Variants in NCAM2 observed in about 807,000 individuals in gnomAD.
NCAM2 encodes N-CAM-2.
A neutral mutation model predicts 98.1 loss-of-function variants in NCAM2; 30 were observed. The ratio of observed to expected loss-of-function variants is 0.31; its 90% CI spans 0.23 to 0.41. NCAM2 has a LOEUF of 0.41. Among genes scored for constraint, NCAM2 ranks in the 10% least tolerant of loss-of-function variants. NCAM2 has a pLI of 1.00. For missense variants in NCAM2, 867 were observed against 1,005.8 expected (o/e 0.86, Z 1.87); for synonymous variants, 368 against 342.4 (o/e 1.07, Z -0.83).
chr21:21,238,950 A>G (rs2147226279), intron 1 of NCAM2, among the ~76,000 whole-genome samples: 1 of 152,266 alleles, frequency 6.6e-6, no homozygotes, highest in South Asian at 2.1e-4. Flanking sequence ...TAATGGAAGC[A>G]TTTGTAACCT....
intron 1 of NCAM2, among the ~76,000 whole-genome samples, chr21:21,214,079 T>C (rs1216267555): frequency 6.6e-6 from 1 of 152,182 alleles, no homozygotes; most frequent in Non-Finnish European, 1.5e-5. Flanking sequence ...AAATTCTAAA[T>C]GTTTATTTTC....
At chr21:21,424,252 A>G (rs1327918117) in intron 11 of NCAM2, among the ~76,000 whole-genome samples, 2 of 152,230 alleles carry the variant, frequency 1.3e-5, no homozygotes, top group African/African-American at 4.8e-5. Flanking sequence ...TTTTCAGAGA[A>G]TCCATGTTTG....
intron 1 of NCAM2, among the ~76,000 whole-genome samples, chr21:21,055,241 A>T (rs1016257258): frequency 6.6e-6 from 1 of 152,072 alleles, no homozygotes; most frequent in African/African-American, 2.4e-5. Flanking sequence ...ATGAAGTCAT[A>T]TAAATTGTCT....
chr21:21,158,172 G>A (rs969368565), intron 1 of NCAM2, among the ~76,000 whole-genome samples: 1 of 152,102 alleles, frequency 6.6e-6, no homozygotes, highest in Admixed American at 6.5e-5. Flanking sequence ...GACAGACTAT[G>A]GAATATAGTG....
At chr21:21,094,470 T>C (rs922079567) in intron 1 of NCAM2, among the ~76,000 whole-genome samples, 14 of 151,966 alleles carry the variant, frequency 9.2e-5, no homozygotes, top group African/African-American at 3.1e-4. Flanking sequence ...TACTCAGACA[T>C]TGAGTATAAT....
At chr21:21,518,437 C>T (rs1988832405) in intron 16 of NCAM2, among the ~76,000 whole-genome samples, 1 of 152,104 alleles carries the variant, frequency 6.6e-6, no homozygotes, top group Non-Finnish European at 1.5e-5. Flanking sequence ...ATGGTAAATA[C>T]AGTGGAATCA....
chr21:21,403,752 A>T (rs562950566), intron 9 of NCAM2, among the ~76,000 whole-genome samples: 14 of 152,308 alleles, frequency 9.2e-5, no homozygotes, highest in African/African-American at 3.4e-4. Flanking sequence ...GGTAGAATAA[A>T]TGTACAAATA....
chr21:21,302,362 A>G (rs1466267517), intron 5 of NCAM2, among the ~76,000 whole-genome samples: 1 of 152,014 alleles, frequency 6.6e-6, no homozygotes, highest in East Asian at 1.9e-4. Flanking sequence ...GCACTATTTA[A>G]TGAATAGGGA....
intron 1 of NCAM2, among the ~76,000 whole-genome samples, chr21:21,157,302 G>A (rs2067645115): frequency 6.6e-6 from 1 of 152,084 alleles, no homozygotes; most frequent in East Asian, 1.9e-4. Context: ...ACTTTGCTGT[G>A]CTCTAGGCAA....
chr21:21,219,402 G>A (rs1183101395), intron 1 of NCAM2, among the ~76,000 whole-genome samples: 2 of 152,198 alleles, frequency 1.3e-5, no homozygotes, highest in Admixed American at 6.5e-5. Context: ...TCACATGACA[G>A]TGTTTTAGTC....
intron 10 of NCAM2, among the ~76,000 whole-genome samples, chr21:21,411,037 C>CACAT (rs1555889821): frequency 1.9e-4 from 10 of 53,298 alleles, no homozygotes; most frequent in African/African-American, 8.0e-4. Flanking sequence ...TATATACACA[C>CACAT]ATATATATAT....
chr21:21,509,855 C>G (rs73218017), intron 16 of NCAM2, among the ~76,000 whole-genome samples: 5 of 152,070 alleles, frequency 3.3e-5, no homozygotes, highest in African/African-American at 9.7e-5. Flanking sequence ...TATGCACACA[C>G]GTTTGTGTGT....
At chr21:21,239,603 T>C (rs2070986003) in intron 1 of NCAM2, among the ~76,000 whole-genome samples, 1 of 152,198 alleles carries the variant, frequency 6.6e-6, no homozygotes, top group Non-Finnish European at 1.5e-5. Context: ...TTTTAGATGA[T>C]GTGTTCATGG....
chr21:21,468,796 T>C lies in NCAM2; in HGVS notation c.1896+13T>C. On this transcript the variant is annotated intron_variant, in intron 14 of 17. Coordinates refer to ENST00000400546, the MANE Select transcript of NCAM2 (RefSeq NM_004540.5). Reference sequence around the variant, plus strand: ...GAAATATAGAAGTGTAAGTACCTTGTTTATTGTCATATCATGCTAGGTTTT... The same window carrying C: ...GAAATATAGAAGTGTAAGTACCTTGCTTATTGTCATATCATGCTAGGTTTT... The C allele has an allele frequency of 6.2e-7, 1 of 1,605,410 alleles. No homozygotes were observed. The highest frequency in any genetic ancestry group is 8.5e-7 in the Non-Finnish European group (1 of 1,174,686).
intron 1 of NCAM2, among the ~76,000 whole-genome samples, chr21:21,028,580 A>G (rs1321608399): frequency 6.6e-6 from 1 of 152,208 alleles, no homozygotes. Flanking sequence ...CAGCCTGCAT[A>G]TAATCAGGGA....
chr21:21,188,225 G>A (rs2068703426), intron 1 of NCAM2, among the ~76,000 whole-genome samples: 1 of 152,090 alleles, frequency 6.6e-6, no homozygotes, highest in Admixed American at 6.5e-5. Flanking sequence ...TCAAACAATA[G>A]CAATATTTAA....
At chr21:21,072,364 C>A (rs973749543) in intron 1 of NCAM2, among the ~76,000 whole-genome samples, 20 of 152,008 alleles carry the variant, frequency 1.3e-4, no homozygotes, top group Non-Finnish European at 2.8e-4. Flanking sequence ...AAATGTTTCT[C>A]TTACATCAAA....
At chr21:21,109,154 A>C (rs1478846525) in intron 1 of NCAM2, among the ~76,000 whole-genome samples, 1 of 152,176 alleles carries the variant, frequency 6.6e-6, no homozygotes, top group African/African-American at 2.4e-5. Context: ...TCACTGGGGA[A>C]AAAAATCTTG....
At chr21:21,486,163 G>A (rs1003951912) in intron 15 of NCAM2, among the ~76,000 whole-genome samples, 2 of 151,880 alleles carry the variant, frequency 1.3e-5, no homozygotes, top group African/African-American at 4.8e-5. Flanking sequence ...AATTAGCCGG[G>A]CGTGGTGGCG....
Sources: gnomAD v4.1 joint callset for allele counts (sites outside exome capture counted in the v4.1 genomes callset) on GRCh38, gnomAD v4.1.1 for gene constraint, MANE v1.5 for transcripts, NCBI Gene and HGNC (gene_info 2026-07-23, HGNC 2026-07-21) for gene names.